FAM135B: variants seen among roughly 807,000 people sequenced by gnomAD.
FAM135B encodes the protein protein FAM135B.
A neutral mutation model predicts 127.7 loss-of-function variants in FAM135B; 43 were observed. The ratio of observed to expected loss-of-function variants is 0.34; its 90% CI spans 0.26 to 0.43. The LOEUF (loss-of-function observed/expected upper bound fraction) is 0.43, where lower values mean the gene tolerates loss of function less well. FAM135B is among the 20% of genes least tolerant of loss of function. The pLI is 1.00. For missense variants in FAM135B, 1,558 were observed against 1,725.6 expected (o/e 0.90, Z 1.72); for synonymous variants, 670 against 665.1 (o/e 1.01, Z -0.11).
At chr8:138,161,339 C>A (rs1430885210) in intron 12 of FAM135B, among the ~76,000 whole-genome samples, 1 of 151,574 alleles carries the variant, frequency 6.6e-6, no homozygotes. Flanking sequence ...CTTATCTCTT[C>A]TTCCCTTTCT....
At chr8:138,469,690 C>G (rs913541692) in intron 1 of FAM135B, among the ~76,000 whole-genome samples, 1 of 152,114 alleles carries the variant, frequency 6.6e-6, no homozygotes, top group African/African-American at 2.4e-5. Context: ...AGGACAAATA[C>G]AAGATTAGAA....
intron 19 of FAM135B, among the ~76,000 whole-genome samples, chr8:138,136,246 TG>T (rs1431355452): frequency 6.6e-6 from 1 of 152,120 alleles, no homozygotes; most frequent in East Asian, 1.9e-4. Flanking sequence ...ACCAAATCTT[TG>T]GACCTTTGGT....
intron 1 of FAM135B, chr8:138,436,891 A>G (rs1313953698): frequency 1.3e-5 from 2 of 152,214 alleles, no homozygotes; most frequent in Non-Finnish European, 2.9e-5. Context: ...CATATTTACT[A>G]TAGTATCTTC....
intron 1 of FAM135B, among the ~76,000 whole-genome samples, chr8:138,463,452 G>C (rs1837234809): frequency 6.6e-6 from 1 of 152,130 alleles, no homozygotes; most frequent in Non-Finnish European, 1.5e-5. Context: ...AAAGTCCACT[G>C]TAAGAAGTTT....
chr8:138,467,760 G>T (rs1837455333), intron 1 of FAM135B, among the ~76,000 whole-genome samples: 1 of 152,144 alleles, frequency 6.6e-6, no homozygotes, highest in Non-Finnish European at 1.5e-5. Flanking sequence ...AACATCAAAA[G>T]AAATTCATGT....
At chr8:138,403,695 T>A (rs1259551421) in intron 1 of FAM135B, among the ~76,000 whole-genome samples, 1 of 152,112 alleles carries the variant, frequency 6.6e-6, no homozygotes, top group East Asian at 1.9e-4. Flanking sequence ...GAAAACTTGG[T>A]CCCTTTAGCA....
intron 7 of FAM135B, among the ~76,000 whole-genome samples, chr8:138,200,700 T>C (rs1817048863): frequency 6.6e-6 from 1 of 152,222 alleles, no homozygotes; most frequent in South Asian, 2.1e-4. Flanking sequence ...TTTGTATATG[T>C]ATACACGCTT....
At chr8:138,217,980 C>T (rs1818702451) in intron 7 of FAM135B, among the ~76,000 whole-genome samples, 1 of 152,144 alleles carries the variant, frequency 6.6e-6, no homozygotes, top group African/African-American at 2.4e-5. Flanking sequence ...CAAAAATTAC[C>T]TCTGTCTTCC....
At chr8:138,168,591 C>T (rs75594375) in intron 11 of FAM135B, among the ~76,000 whole-genome samples, 151 of 152,040 alleles carry the variant, frequency 9.9e-4, no homozygotes, top group African/African-American at 3.6e-3. Context: ...TTTGGTTTCC[C>T]CTGTAAGATG....
intron 3 of FAM135B, among the ~76,000 whole-genome samples, chr8:138,289,561 A>AT (rs911849719): frequency 6.6e-6 from 1 of 152,162 alleles, no homozygotes; most frequent in African/African-American, 2.4e-5. Flanking sequence ...GGAAACTTGC[A>AT]TTTTTTCAGA....
At position 138,269,705 on chromosome 8, in the gene FAM135B, C is replaced by T. The variant is rs566850545; in HGVS notation, c.158-3863G>A. On this transcript the variant is annotated intron_variant, in intron 3 of 19. Coordinates refer to ENST00000395297, the MANE Select transcript of FAM135B (RefSeq NM_015912.4). Reference sequence around the variant, plus strand: ...TTGTCCCCACTTTCCAGCTGTGTGGCCTTAGGCAGGACTACAGAATCCGAG... The same window carrying T: ...TTGTCCCCACTTTCCAGCTGTGTGGTCTTAGGCAGGACTACAGAATCCGAG... Among the ~76,000 whole-genome samples the T allele has an allele frequency of 5.3e-5, 8 of 152,230 alleles. No individual in the cohort carries two copies. The South Asian group carries it at 1.7e-3, about 32-fold the overall frequency.
chr8:138,218,512 T>C (rs1384861896), intron 7 of FAM135B, among the ~76,000 whole-genome samples: 1 of 152,190 alleles, frequency 6.6e-6, no homozygotes, highest in Non-Finnish European at 1.5e-5. Context: ...AAAAGATTCC[T>C]GGCGTCTCAG....
chr8:138,295,102 C>CTTTGTTTTTT (rs1825381246), intron 3 of FAM135B, among the ~76,000 whole-genome samples: 1 of 82,196 alleles, frequency 1.2e-5, no homozygotes, highest in African/African-American at 5.0e-5. Context: ...CTTGCTGGTG[C>CTTTGTTTTTT]TTTTTTTTTT....
intron 7 of FAM135B, among the ~76,000 whole-genome samples, chr8:138,210,202 A>G (rs1419141975): frequency 2.6e-5 from 4 of 152,160 alleles, no homozygotes; most frequent in African/African-American, 2.4e-5. Context: ...GCGGTTCACT[A>G]TGGTGCCTTA....
chr8:138,301,076 G>T (rs1371797182), intron 3 of FAM135B, among the ~76,000 whole-genome samples: 1 of 152,068 alleles, frequency 6.6e-6, no homozygotes, highest in African/African-American at 2.4e-5. Flanking sequence ...TTTGACTTAG[G>T]AGATCTGGGA....
chr8:138,281,859 G>A (rs547077180), intron 3 of FAM135B, among the ~76,000 whole-genome samples: 2 of 152,284 alleles, frequency 1.3e-5, no homozygotes, highest in African/African-American at 4.8e-5. Flanking sequence ...TGCTCAGGCT[G>A]GAGTGCAGTG....
intron 6 of FAM135B, among the ~76,000 whole-genome samples, chr8:138,245,769 G>A (rs1255156661): frequency 6.6e-6 from 1 of 152,174 alleles, no homozygotes; most frequent in African/African-American, 2.4e-5. Flanking sequence ...GCAGAGGTTG[G>A]AACAGTTTGA....
rs773045954 is a variant in FAM135B at position 138,151,860 on chromosome 8, C to A, written c.2615G>T (p.Gly872Val). ...LPDGRTENTPGVETKGLNLKI... is the reference protein window; with the variant it reads ...LPDGRTENTPVVETKGLNLKI... ...TAAATTAAGACCTTTGGTTTCAACA[C>A]CTGGAGTGTTCTCAGTCCTGCCATC... The change falls in exon 13 of 20, where the codon GGT (glycine) becomes GTT (valine). Residue 872 changes from glycine to valine, a missense_variant. By Grantham distance (109) the Gly-to-Val change is moderately radical (BLOSUM62 -3). This residue lies in a region of FAM135B where 923 missense variants were observed against 865.3 expected (regional missense o/e 1.07). Coordinates refer to ENST00000395297, the MANE Select transcript of FAM135B (RefSeq NM_015912.4). The A allele has an allele frequency of 1.2e-6, 2 of 1,614,042 alleles. No homozygotes were observed. Among genetic ancestry groups the A allele is most frequent in the East Asian group, 2.2e-5 (1 of 44,876 alleles).
chr8:138,362,011 C>A (rs1009542273), intron 2 of FAM135B, among the ~76,000 whole-genome samples: 1 of 151,980 alleles, frequency 6.6e-6, no homozygotes, highest in African/African-American at 2.4e-5. Context: ...ATAGTAGGTA[C>A]AGATATTTAT....
Sources: allele counts gnomAD v4.1 joint callset (sites outside exome capture counted in the v4.1 genomes callset), GRCh38; gene constraint gnomAD v4.1.1; regional missense constraint gnomAD v4.1.1; transcripts MANE v1.5; gene names NCBI Gene and HGNC (gene_info 2026-07-23, HGNC 2026-07-21).